Variants in EXOC4 observed in about 807,000 individuals in gnomAD.
EXOC4 encodes the protein SEC8-like 1.
In EXOC4, 71 loss-of-function variants were observed where a neutral mutation model predicts 107.2. The ratio of observed to expected loss-of-function variants is 0.66; its 90% CI spans 0.55 to 0.81. The LOEUF is 0.81. EXOC4 is among the 30% of genes least tolerant of loss of function. The pLI, the probability that EXOC4 is intolerant of heterozygous loss-of-function variation, is 0.00. For synonymous variants in EXOC4, 456 were observed against 441.2 expected (o/e 1.03, Z -0.42); for missense variants, 1,108 against 1,189.6 (o/e 0.93, Z 1.01).
At chr7:133,272,739 T>C (rs761549776) in intron 1 of EXOC4, among the ~76,000 whole-genome samples, 1 of 152,130 alleles carries the variant, frequency 6.6e-6, no homozygotes, top group Non-Finnish European at 1.5e-5. Flanking sequence ...ACATAAATAT[T>C]TTCTTGAAAA....
intron 9 of EXOC4, among the ~76,000 whole-genome samples, chr7:133,506,545 G>A (rs1164321898): frequency 6.6e-6 from 1 of 152,078 alleles, no homozygotes; most frequent in African/African-American, 2.4e-5. Flanking sequence ...AAATGTTGCA[G>A]TACAGACTTT....
intron 17 of EXOC4, among the ~76,000 whole-genome samples, chr7:134,048,658 A>G (rs937726364): frequency 1.8e-4 from 27 of 152,074 alleles, no homozygotes; most frequent in African/African-American, 6.3e-4. Flanking sequence ...CCTTTCAGCC[A>G]CCGGCCTCAT....
intron 17 of EXOC4, among the ~76,000 whole-genome samples, chr7:134,050,361 C>T (rs1298772230): frequency 2.0e-5 from 3 of 152,140 alleles, no homozygotes; most frequent in South Asian, 2.1e-4. Flanking sequence ...CTATCAATAT[C>T]CTCATTTTAC....
intron 9 of EXOC4, among the ~76,000 whole-genome samples, chr7:133,505,177 G>A (rs1799645313): frequency 6.6e-6 from 1 of 152,112 alleles, no homozygotes; most frequent in African/African-American, 2.4e-5. Context: ...TAAGTTAGGG[G>A]AAGGGCAGGC....
chr7:133,603,825 TAA>T, intron 9 of EXOC4, among the ~76,000 whole-genome samples: 1 of 152,166 alleles, frequency 6.6e-6, no homozygotes, highest in South Asian at 2.1e-4. Flanking sequence ...AGGCTACACT[TAA>T]TTTATAGAAA....
chr7:133,834,243 A>T (rs1422640852), intron 11 of EXOC4, among the ~76,000 whole-genome samples: 1 of 152,092 alleles, frequency 6.6e-6, no homozygotes, highest in Non-Finnish European at 1.5e-5. Context: ...ATACCCAGGC[A>T]TGCCACAGTA....
intron 10 of EXOC4, among the ~76,000 whole-genome samples, chr7:133,714,453 G>T (rs1315748911): frequency 7.2e-5 from 11 of 152,172 alleles, no homozygotes; most frequent in African/African-American, 2.7e-4. Flanking sequence ...CTAAGACTCA[G>T]CCAGGATTCA....
intron 14 of EXOC4, among the ~76,000 whole-genome samples, chr7:133,964,435 G>A (rs996175362): frequency 4.0e-5 from 6 of 151,844 alleles, no homozygotes; most frequent in Admixed American, 1.3e-4. Context: ...CCCATCAACC[G>A]GTCATCTACA....
At position 134,065,433 on chromosome 7, in the gene EXOC4, C is replaced by T. The variant is rs1472460180; in HGVS notation, c.*905C>T. ...GAAGATGGGACAGAGTGACATTTCTCCTCTGTGCGGCCTCCAGCTGAGCCT... is the reference window on the plus strand; with the variant it reads ...GAAGATGGGACAGAGTGACATTTCTTCTCTGTGCGGCCTCCAGCTGAGCCT... On this transcript the variant is annotated 3_prime_UTR_variant, in exon 18 of 18. Transcript: ENST00000253861. 2.0e-5 allele frequency: 3 copies of T among 152,182 alleles called. No individual in the cohort carries two copies. Among genetic ancestry groups the T allele is most frequent in the Admixed American group, 6.5e-5 (1 of 15,280 alleles). The allele number at this position is 152,182 out of a possible 1,614,324, so 9.4% of individuals were successfully genotyped here.
At chr7:133,794,006 A>G (rs1796760762) in intron 10 of EXOC4, among the ~76,000 whole-genome samples, 1 of 152,046 alleles carries the variant, frequency 6.6e-6, no homozygotes, top group African/African-American at 2.4e-5. Context: ...TAAGAACAAT[A>G]AAAATGTCCC....
intron 14 of EXOC4, among the ~76,000 whole-genome samples, chr7:133,939,943 C>A (rs1585263899): frequency 1.3e-5 from 2 of 152,156 alleles, no homozygotes; most frequent in South Asian, 4.1e-4. Context: ...CTAATTTTTT[C>A]TTTGCTAATT....
At chr7:133,512,698 T>C (rs4582474) in intron 9 of EXOC4, among the ~76,000 whole-genome samples, 70,994 of 152,056 alleles carry the variant, frequency 0.47, 17,290 homozygotes, top group East Asian at 0.63. Context: ...GAGAGTTAAC[T>C]GAGCTTAGGT....
At chr7:133,777,279 AAGAGAGAGAGAGAGAG>A (rs151199039) in intron 10 of EXOC4, among the ~76,000 whole-genome samples, 2 of 1,786 alleles carry the variant, frequency 1.1e-3, no homozygotes, top group African/African-American at 7.5e-4. Context: ...GAGAGAGAGA[AAGAGAGAGAGAGAGAG>A]AGAGAGAGAG....
At chr7:133,986,818 G>T (rs1051923131) in intron 14 of EXOC4, among the ~76,000 whole-genome samples, 1 of 152,114 alleles carries the variant, frequency 6.6e-6, no homozygotes, top group Non-Finnish European at 1.5e-5. Context: ...AGAATTAGCT[G>T]GCATTAAAGC....
intron 10 of EXOC4, among the ~76,000 whole-genome samples, chr7:133,739,221 T>TC (rs1562977534): frequency 7.5e-6 from 1 of 132,516 alleles, no homozygotes; most frequent in African/African-American, 2.9e-5. Flanking sequence ...TGTAGAGGGG[T>TC]TTGTGTGTGT....
chr7:133,862,199 G>C (rs1038026513), intron 11 of EXOC4, among the ~76,000 whole-genome samples: 1 of 149,750 alleles, frequency 6.7e-6, no homozygotes, highest in African/African-American at 2.5e-5. Context: ...ATTAAAAAGA[G>C]CTTTATTCTA....
intron 5 of EXOC4, 34 bp from the exon 6 acceptor site, chr7:133,356,296 C>T: frequency 1.2e-6 from 2 of 1,607,472 alleles, no homozygotes; most frequent in South Asian, 1.1e-5. Context: ...TGAGTGGAGT[C>T]TGTATCTATT....
intron 9 of EXOC4, among the ~76,000 whole-genome samples, chr7:133,542,208 A>G (rs1277716333): frequency 1.5e-5 from 2 of 134,612 alleles, no homozygotes; most frequent in Non-Finnish European, 3.1e-5. Flanking sequence ...TGCCTTCAGA[A>G]TGAAGACCCA....
At chr7:133,495,162 G>A (rs1435062065) in intron 9 of EXOC4, among the ~76,000 whole-genome samples, 1 of 151,840 alleles carries the variant, frequency 6.6e-6, no homozygotes, top group Non-Finnish European at 1.5e-5. Context: ...TGAGGCAGGA[G>A]AATCGCTTGA....
Sources: allele counts gnomAD v4.1 joint callset (sites outside exome capture counted in the v4.1 genomes callset), GRCh38; gene constraint gnomAD v4.1.1; transcripts MANE v1.5; gene names NCBI Gene and HGNC (gene_info 2026-07-23, HGNC 2026-07-21).